Variants in UQCRC2 observed in about 807,000 individuals in gnomAD.
UQCRC2 encodes ubiquinol-cytochrome c reductase core protein 2.
A neutral mutation model predicts 55.6 loss-of-function variants in UQCRC2; 49 were observed. The observed-to-expected ratio is 0.88, with a 90% CI of 0.70 to 1.12. The LOEUF (loss-of-function observed/expected upper bound fraction) is 1.12. Among genes scored for constraint, UQCRC2 ranks in the 50% most tolerant of loss-of-function variants. The pLI is 0.00. For synonymous variants in UQCRC2, 193 were observed against 192.0 expected (o/e 1.01, Z -0.04); for missense variants, 506 against 547.8 (o/e 0.92, Z 0.76).
At chr16:21,978,377 C>G (rs970198077) in intron 12 of UQCRC2, among the ~76,000 whole-genome samples, 2 of 152,124 alleles carry the variant, frequency 1.3e-5, no homozygotes, top group African/African-American at 4.8e-5. Flanking sequence ...TCAAATAACT[C>G]GACTGTCTTA....
chr16:21,956,012 A>G (rs1597948538), intron 1 of UQCRC2, among the ~76,000 whole-genome samples: 1 of 151,964 alleles, frequency 6.6e-6, no homozygotes, highest in Non-Finnish European at 1.5e-5. Flanking sequence ...TTTATTAGAG[A>G]TGGGGTTTCT....
chr16:21,972,494 A>G (rs1898486575), intron 10 of UQCRC2, among the ~76,000 whole-genome samples: 1 of 152,066 alleles, frequency 6.6e-6, no homozygotes, highest in Admixed American at 6.6e-5. Flanking sequence ...CCTGAATCTC[A>G]CTATTTGTTT....
At chr16:21,959,431 T>C in intron 4 of UQCRC2, 1 of 193,322 alleles carries the variant, frequency 5.2e-6, no homozygotes, top group Non-Finnish European at 1.1e-5. Context: ...CTGTTCAAGC[T>C]TTATCATAAG....
chr16:21,963,411 ATTGT>A (rs1347131455), intron 6 of UQCRC2, among the ~76,000 whole-genome samples: 11 of 152,160 alleles, frequency 7.2e-5, no homozygotes, highest in Middle Eastern at 3.4e-3. Context: ...TGGTAAGTAA[ATTGT>A]TTGTAAGATC....
rs57855359 is a variant in UQCRC2, at chr16:21,983,300, A to G, written c.*129A>G. ...GTGAGGTAAAATAAGGCATAAATGC[A>G]GGTAATTATTCCCAGCTGACCTAAA... On this transcript the variant is annotated 3_prime_UTR_variant, in exon 14 of 14. Transcript: ENST00000268379. 196 of 744,036 alleles carry G rather than the reference A, an allele frequency of 2.6e-4. No individual in the cohort carries two copies. In the East Asian group the frequency reaches 5.2e-3, roughly 20 times the overall value. 46.1% of individuals were successfully genotyped at this position (744,036 alleles called of 1,614,324 possible).
At chr16:21,964,814 C>G (rs1390731788) in intron 6 of UQCRC2, among the ~76,000 whole-genome samples, 1 of 152,216 alleles carries the variant, frequency 6.6e-6, no homozygotes, top group Non-Finnish European at 1.5e-5. Context: ...TTCCACATCT[C>G]TGTATTTCTA....
intron 8 of UQCRC2, among the ~76,000 whole-genome samples, chr16:21,971,209 T>G (rs1433958399): frequency 6.6e-6 from 1 of 152,190 alleles, no homozygotes; most frequent in African/African-American, 2.4e-5. Flanking sequence ...ACTACTCACT[T>G]AGAAATTTGT....
intron 12 of UQCRC2, among the ~76,000 whole-genome samples, chr16:21,978,103 G>T (rs1898628949): frequency 6.6e-6 from 1 of 152,136 alleles, no homozygotes. Context: ...GCAGAAAGTA[G>T]AATTTTGAAT....
At chr16:21,978,962 A>G (rs1898651101) in intron 12 of UQCRC2, among the ~76,000 whole-genome samples, 1 of 152,162 alleles carries the variant, frequency 6.6e-6, no homozygotes, top group Non-Finnish European at 1.5e-5. Flanking sequence ...CACCCCCGAA[A>G]CCTGCCAAAA....
In UQCRC2 at chr16:21,962,617, T is replaced by G. The variant is rs112099355; in HGVS notation, c.389+101T>G. On this transcript the variant is annotated intron_variant, in intron 5 of 13. Coordinates refer to ENST00000268379, the MANE Select transcript of UQCRC2 (RefSeq NM_003366.4). ...GTCATTATGACCTCTGACTTCCATT[T>G]TGGATTATTGTTCATAAACTGCTCA... 5.7e-3 allele frequency: 9,070 copies of G among 1,592,294 alleles called. 34 individuals are homozygous for G. Among genetic ancestry groups the G allele is most frequent in the Non-Finnish European group, 6.0e-3 (6,981 of 1,162,160 alleles).
chr16:21,975,687 G>T (rs1158483282), intron 11 of UQCRC2, among the ~76,000 whole-genome samples: 1 of 152,136 alleles, frequency 6.6e-6, no homozygotes. Flanking sequence ...GCTGTGTATG[G>T]ATTACTACTC....
chr16:21,963,620 C>T (rs1164458939), intron 6 of UQCRC2, among the ~76,000 whole-genome samples: 1 of 151,956 alleles, frequency 6.6e-6, no homozygotes, highest in African/African-American at 2.4e-5. Context: ...CACACCACCG[C>T]ACCCTGCTAA....
chr16:21,981,131 C>G (rs748272697), intron 13 of UQCRC2, among the ~76,000 whole-genome samples: 1 of 152,202 alleles, frequency 6.6e-6, no homozygotes, highest in Non-Finnish European at 1.5e-5. Flanking sequence ...TTTTCCTCTT[C>G]AGTCCTAGCA....
In UQCRC2 at chr16:21,983,530, G is replaced by A. The variant is rs566204039; in HGVS notation, c.*359G>A. 2.0e-5 allele frequency: 6 copies of A among 293,630 alleles called. No homozygotes were observed. The highest frequency in any genetic ancestry group is 8.6e-5 in the African/African-American group (4 of 46,554). 18.2% of individuals were successfully genotyped at this position (293,630 alleles called of 1,614,324 possible). A position where few individuals can be genotyped will look rare whatever the true frequency, so the allele number is the denominator to read the frequency against. ...ATAGTGCCAGATTACTATTGGTGGC[G>A]TTTAAGATGAAAGCAAGTTCAAAAT... On this transcript the variant is annotated 3_prime_UTR_variant, in exon 14 of 14. Transcript: ENST00000268379.
chr16:21,961,839 A>T (rs1898213327), intron 4 of UQCRC2, among the ~76,000 whole-genome samples: 1 of 150,862 alleles, frequency 6.6e-6, no homozygotes, highest in Non-Finnish European at 1.5e-5. Context: ...TTCAGTAGAG[A>T]CCATGGTTTC....
chr16:21,971,140 A>C (rs1355044007), intron 8 of UQCRC2, among the ~76,000 whole-genome samples: 2 of 152,202 alleles, frequency 1.3e-5, no homozygotes, highest in Non-Finnish European at 2.9e-5. Flanking sequence ...GATTGATCAA[A>C]TAAATGGTGG....
intron 8 of UQCRC2, 134 bp downstream of exon 8, chr16:21,968,819 C>A: frequency 1.6e-6 from 1 of 618,494 alleles, no homozygotes; most frequent in South Asian, 4.6e-5. Context: ...GGCAATATAT[C>A]ATAGGATTTT....
intron 6 of UQCRC2, among the ~76,000 whole-genome samples, chr16:21,965,199 A>G (rs1898297128): frequency 6.6e-6 from 1 of 152,244 alleles, no homozygotes; most frequent in Admixed American, 6.5e-5. Flanking sequence ...AGCTGCTGCC[A>G]TGTAATCTTT....
At chr16:21,980,447 A>G (rs1597970032) in intron 12 of UQCRC2, 100 bp from the exon 13 acceptor site, 1 of 1,301,326 alleles carries the variant, frequency 7.7e-7, no homozygotes, top group Non-Finnish European at 1.1e-6. Flanking sequence ...TACTCTATCC[A>G]TTAAATAAAG....
Sources: gnomAD v4.1 joint callset for allele counts (sites outside exome capture counted in the v4.1 genomes callset) on GRCh38, gnomAD v4.1.1 for gene constraint, MANE v1.5 for transcripts, NCBI Gene and HGNC (gene_info 2026-07-23, HGNC 2026-07-21) for gene names.